The following IL1RAPL2 variants were observed in gnomAD, a reference collection of about 807,000 sequenced individuals.
IL1RAPL2 encodes X-linked interleukin-1 receptor accessory protein-like 2.
IL1RAPL2 carries 3 observed loss-of-function variants against 44.1 expected under a neutral mutation model. The observed-to-expected ratio is 0.07, with a 90% CI of 0.03 to 0.18. The LOEUF (loss-of-function observed/expected upper bound fraction) is 0.18, where lower values mean the gene tolerates loss of function less well. Ranked by LOEUF, IL1RAPL2 falls within the 10% of genes least tolerant of loss-of-function variation. The probability of loss-of-function intolerance (pLI) is 1.00; values close to 1 mark genes in which losing one functional copy is unlikely to be tolerated. For synonymous variants in IL1RAPL2, 181 were observed against 178.8 expected, an observed-to-expected ratio of 1.01 and a Z score of -0.10; for missense variants, 391 against 496.4, an observed-to-expected ratio of 0.79 and a Z score of 2.02.
At chrX:104,809,140 G>A (rs181068620) in intron 2 of IL1RAPL2, among the ~76,000 whole-genome samples, 14 of 111,872 alleles carry the variant, frequency 1.3e-4, no homozygotes, top group African/African-American at 2.6e-4. Flanking sequence ...TGATAGTTAT[G>A]TTTGGCCAGT....
rs145720895 is a variant in IL1RAPL2 at position 105,758,029 on chromosome X, T to C, written c.1363+2682T>C. Among the ~76,000 whole-genome samples the C allele has an allele frequency of 6.1e-4, 68 of 111,365 alleles. No homozygotes were observed. The East Asian group carries it at 0.011, about 19-fold the overall frequency. ...CTTCTGTGGTCTGTATTTTCAACCA[T>C]TGGTACAGATTTAACAGCTTATATT... On this transcript the variant is annotated intron_variant, in intron 10 of 10. Transcript: ENST00000372582.
chrX:104,859,475 C>T (rs1057315339), intron 2 of IL1RAPL2, among the ~76,000 whole-genome samples: 2 of 111,461 alleles, frequency 1.8e-5, no homozygotes, highest in African/African-American at 6.5e-5. Flanking sequence ...CTCACAGTCT[C>T]CTCATCTGCA....
At chrX:104,945,980 G>GA (rs901092580) in intron 2 of IL1RAPL2, among the ~76,000 whole-genome samples, 2 of 109,933 alleles carry the variant, frequency 1.8e-5, no homozygotes, top group African/African-American at 3.3e-5. Flanking sequence ...CATTTTTAAA[G>GA]AAAAAATCAT....
intron 6 of IL1RAPL2, among the ~76,000 whole-genome samples, chrX:105,694,230 G>C (rs1420955846): frequency 9.0e-6 from 1 of 111,576 alleles, no homozygotes; most frequent in Non-Finnish European, 1.9e-5. Flanking sequence ...TTCATCTCTT[G>C]ACTGGAAGAC....
At chrX:105,281,537 C>T (rs934657956) in intron 5 of IL1RAPL2, among the ~76,000 whole-genome samples, 4 of 112,030 alleles carry the variant, frequency 3.6e-5, no homozygotes, top group Admixed American at 9.5e-5. Context: ...GTATATAAAA[C>T]GGTGGTCCCA....
chrX:105,318,377 G>A (rs185231364), intron 5 of IL1RAPL2, among the ~76,000 whole-genome samples: 52 of 111,947 alleles, frequency 4.6e-4, no homozygotes, highest in African/African-American at 1.7e-3. Context: ...CAAGGGCCAA[G>A]TTATATGGTA....
intron 9 of IL1RAPL2, among the ~76,000 whole-genome samples, chrX:105,754,452 A>C (rs1315862827): frequency 8.9e-6 from 1 of 112,355 alleles, no homozygotes; most frequent in Non-Finnish European, 1.9e-5. Context: ...AGCACAGTTA[A>C]CTCCCTGACT....
At chrX:104,867,680 A>G (rs752759833) in intron 2 of IL1RAPL2, among the ~76,000 whole-genome samples, 1 of 111,831 alleles carries the variant, frequency 8.9e-6, no homozygotes. Context: ...ATGGGGAGCC[A>G]TGGGAGGTTT....
At chrX:105,138,230 A>G (rs184373646) in intron 2 of IL1RAPL2, among the ~76,000 whole-genome samples, 1 of 111,263 alleles carries the variant, frequency 9.0e-6, no homozygotes, top group African/African-American at 3.3e-5. Context: ...GGCTACCTCA[A>G]CTGATCAGGA....
rs182658454 is a variant in IL1RAPL2 at position 105,412,941 on chromosome X, T to C, written c.698-71372T>C. 3.7e-4 allele frequency among the ~76,000 whole-genome samples: 42 copies of C among 112,171 alleles called. No individual in the cohort carries two copies. In the East Asian group the frequency reaches 7.0e-3, roughly 19 times the overall value. The stretch of plus-strand genomic sequence containing the variant: ...AAAATTACTGAAAGTAATGCATTTA[T>C]TCAAAATATAATATGGAATGTTACC... On this transcript the variant is annotated intron_variant, in intron 5 of 10. Coordinates refer to ENST00000372582, the MANE Select transcript of IL1RAPL2 (RefSeq NM_017416.2).
intron 2 of IL1RAPL2, among the ~76,000 whole-genome samples, chrX:104,761,970 TTCTTCTTCTTCTTCCTCC>T (rs1932464547): frequency 1.2e-5 from 1 of 84,748 alleles, no homozygotes; most frequent in Non-Finnish European, 2.3e-5. Flanking sequence ...CTTCTTCTTC[TTCTTCTTCTTCTTCCTCC>T]TCCTCCTCTT....
intron 2 of IL1RAPL2, among the ~76,000 whole-genome samples, chrX:104,669,573 T>C (rs781222072): frequency 8.9e-6 from 1 of 111,878 alleles, no homozygotes; most frequent in East Asian, 2.8e-4. Flanking sequence ...CAGGGAGCTT[T>C]TAAACCATAT....
At chrX:105,320,706 A>G (rs2034890740) in intron 5 of IL1RAPL2, among the ~76,000 whole-genome samples, 1 of 111,591 alleles carries the variant, frequency 9.0e-6, no homozygotes, top group Non-Finnish European at 1.9e-5. Context: ...TTTATGTGTG[A>G]GTGTATATAT....
intron 2 of IL1RAPL2, among the ~76,000 whole-genome samples, chrX:105,186,983 T>C (rs1440306826): frequency 8.9e-6 from 1 of 111,917 alleles, no homozygotes; most frequent in Non-Finnish European, 1.9e-5. Context: ...GCCATCATGC[T>C]ATACTTCACC....
intron 3 of IL1RAPL2, chrX:105,220,377 G>T (rs782263029): frequency 8.4e-7 from 1 of 1,190,788 alleles, no homozygotes; most frequent in Non-Finnish European, 1.1e-6. Context: ...CGCTACTGGG[G>T]TCCTCAGGTC....
intron 5 of IL1RAPL2, among the ~76,000 whole-genome samples, chrX:105,360,569 G>A (rs927292511): frequency 2.7e-5 from 3 of 111,066 alleles, no homozygotes; most frequent in African/African-American, 6.5e-5. Context: ...GGGGAAGGGG[G>A]CTGATAATTT....
chrX:105,646,648 A>G (rs1005924179), intron 6 of IL1RAPL2, among the ~76,000 whole-genome samples: 2 of 111,930 alleles, frequency 1.8e-5, no homozygotes, highest in African/African-American at 6.5e-5. Context: ...TACAACGTGG[A>G]TAAGTGTACT....
chrX:105,146,660 A>G, intron 2 of IL1RAPL2, among the ~76,000 whole-genome samples: 1 of 111,532 alleles, frequency 9.0e-6, no homozygotes, highest in Non-Finnish European at 1.9e-5. Flanking sequence ...CCAAATTTGC[A>G]TCTGTCCCCC....
chrX:104,605,028 CCA>C (rs1307667981), intron 1 of IL1RAPL2, among the ~76,000 whole-genome samples: 8 of 111,700 alleles, frequency 7.2e-5, no homozygotes, highest in Admixed American at 6.7e-4. Context: ...CTTCTCAGCA[CCA>C]CATCACACTT....
Sources: allele counts gnomAD v4.1 joint callset (sites outside exome capture counted in the v4.1 genomes callset), GRCh38; gene constraint gnomAD v4.1.1; transcripts MANE v1.5; gene names NCBI Gene and HGNC (gene_info 2026-07-23, HGNC 2026-07-21).